ZBTB41: variants seen among roughly 807,000 people sequenced by gnomAD.
ZBTB41 encodes the protein zinc finger and BTB domain containing 41, also known as zinc finger and BTB domain-containing protein 41.
ZBTB41 carries 42 observed loss-of-function variants against 87.6 expected under a neutral mutation model. That is an observed-to-expected ratio of 0.48 (90% CI 0.37 to 0.62). The LOEUF (loss-of-function observed/expected upper bound fraction) is 0.62, where lower values mean the gene tolerates loss of function less well. Ranked by LOEUF, ZBTB41 falls within the 20% of genes least tolerant of loss-of-function variation. ZBTB41 has a pLI of 0.00. For missense variants in ZBTB41, 799 were observed against 1,078.9 expected (o/e 0.74, Z 3.63); for synonymous variants, 364 against 364.0 (o/e 1.00, Z 0.00).
At chr1:197,180,903 T>G (rs1328602104) in intron 6 of ZBTB41, 85 bp downstream of exon 6, 28 of 1,415,626 alleles carry the variant, frequency 2.0e-5, no homozygotes, top group Non-Finnish European at 2.6e-5. Context: ...TGTCTTATGT[T>G]ACCCTAATTC....
intron 5 of ZBTB41, 117 bp from the exon 6 acceptor site, chr1:197,181,234 C>T: frequency 1.2e-6 from 1 of 844,776 alleles, no homozygotes; most frequent in African/African-American, 1.7e-5. Context: ...TCATAATACA[C>T]TGCAATTTCT....
At position 197,199,959 on chromosome 1, in the gene ZBTB41, T is replaced by C; in HGVS notation, c.515A>G (p.Lys172Arg). 1 of 1,613,458 alleles carries C rather than the reference T, an allele frequency of 6.2e-7. No individual in the cohort carries two copies. ...AKFLDIIDAV[K>R]LLNNENVAPF... ...GGCAACATTTTCGTTATTTAACAAC[T>C]TCACTGCATCTATAATGTCCAAAAA... The change falls in exon 2 of 11, where the codon AAG becomes AGG. Residue 172 changes from lysine (K) to arginine (R), a missense_variant. Physicochemically the swap from Lys to Arg is conservative, Grantham distance 26. Transcript: ENST00000367405.
chr1:197,159,112 C>T lies in ZBTB41; in HGVS notation c.*247G>A, dbSNP rs930298132. ...AATAATTGCAAAAAATTTAAGAAAC[C>T]ATTAAAAGTTAGCACTAAATAATCT... On this transcript the variant is annotated 3_prime_UTR_variant, in exon 11 of 11. Transcript: ENST00000367405. 1 of 389,418 alleles carries T rather than the reference C, an allele frequency of 2.6e-6. No individual in the cohort carries two copies. Among genetic ancestry groups the T allele is most frequent in the Non-Finnish European group, 4.6e-6 (1 of 219,692 alleles). 24.1% of individuals were successfully genotyped at this position (389,418 alleles called of 1,614,324 possible). A position where few individuals can be genotyped will look rare whatever the true frequency, so the allele number is the denominator to read the frequency against.
intron 10 of ZBTB41, among the ~76,000 whole-genome samples, chr1:197,168,694 T>C (rs1162522068): frequency 6.6e-6 from 1 of 152,104 alleles, no homozygotes; most frequent in South Asian, 2.1e-4. Context: ...TTAATGACCT[T>C]GGGTTGAGCA....
chr1:197,161,463 G>GTTAAATATTATTA (rs1201562310), intron 10 of ZBTB41, among the ~76,000 whole-genome samples: 10 of 151,820 alleles, frequency 6.6e-5, no homozygotes, highest in Non-Finnish European at 8.8e-5. Flanking sequence ...AAATATTATT[G>GTTAAATATTATTA]TTAAATATTT....
intron 10 of ZBTB41, among the ~76,000 whole-genome samples, chr1:197,169,829 TA>T (rs1659435335): frequency 6.6e-6 from 1 of 152,042 alleles, no homozygotes. Flanking sequence ...AGACAACTGT[TA>T]AAGAATAGAT....
chr1:197,200,347 G>A lies in ZBTB41; in HGVS notation c.127C>T (p.Pro43Ser). Reference protein sequence around the residue: ...QVTYTHSAGRPTPEALHCYQE... With the variant: ...QVTYTHSAGRSTPEALHCYQE... ...TAACAGTGAAGAGCTTCAGGAGTTG[G>A]TCTTCCTGCAGAATGAGTATAGGTC... Residue 43 changes from proline to serine, a missense_variant, in exon 2 of 11, where the codon CCA becomes TCA. By Grantham distance (74) the Pro-to-Ser change is moderately conservative. Transcript: ENST00000367405. 1.2e-6 allele frequency: 2 copies of A among 1,614,158 alleles called. No homozygotes were observed. Among genetic ancestry groups the A allele is most frequent in the African/African-American group, 2.7e-5 (2 of 75,042 alleles).
At chr1:197,184,038 C>T (rs1659823098) in intron 5 of ZBTB41, among the ~76,000 whole-genome samples, 1 of 152,152 alleles carries the variant, frequency 6.6e-6, no homozygotes, top group Non-Finnish European at 1.5e-5. Context: ...ATAGTTCCCT[C>T]TGATGTTTCT....
intron 7 of ZBTB41, 131 bp downstream of exon 7, chr1:197,178,286 A>G (rs937951366): frequency 3.0e-5 from 15 of 496,556 alleles, no homozygotes; most frequent in Non-Finnish European, 4.7e-5. Context: ...TATGCAGTAA[A>G]GTTTTTGCAC....
At position 197,200,562 on chromosome 1, in the gene ZBTB41, T is replaced by C; in HGVS notation, c.-89A>G. On this transcript the variant is annotated 5_prime_UTR_variant, in exon 2 of 11. Transcript: ENST00000367405. ...CTAGATTGTCTTGGATAACAGCTTC[T>C]GAAGGGGCGTGCCCAAGGGTTTCAT... is the stretch of plus-strand genomic sequence containing the variant. 1 of 1,313,106 alleles carries C rather than the reference T, an allele frequency of 7.6e-7. No individual in the cohort carries two copies. The highest frequency in any genetic ancestry group is 2.6e-5 in the Admixed American group (1 of 38,610). 81.3% of individuals were successfully genotyped at this position (1,313,106 alleles called of 1,614,324 possible).
At position 197,162,988 on chromosome 1, in the gene ZBTB41, G is replaced by A. The variant is rs149516609; in HGVS notation, c.2075-2974C>T. Among the ~76,000 whole-genome samples, 892 of 152,284 alleles carry A rather than the reference G, an allele frequency of 5.9e-3. 12 individuals carry two copies. Among genetic ancestry groups the A allele is most frequent in the African/African-American group, 0.021 (856 of 41,548 alleles). On this transcript the variant is annotated intron_variant, in intron 10 of 10. Transcript: ENST00000367405. ...AAACATTTGCTGGGTGAGACAGCTG[G>A]AAACCAAGAGTCAGAAGGCTACAGG...
At chr1:197,181,967 T>G (rs1409282128) in intron 5 of ZBTB41, among the ~76,000 whole-genome samples, 1 of 152,196 alleles carries the variant, frequency 6.6e-6, no homozygotes, top group African/African-American at 2.4e-5. Flanking sequence ...TCATGGGATC[T>G]AAATATTTTA....
At chr1:197,182,005 T>C (rs754315795) in intron 5 of ZBTB41, among the ~76,000 whole-genome samples, 6 of 152,176 alleles carry the variant, frequency 3.9e-5, no homozygotes, top group Non-Finnish European at 5.9e-5. Flanking sequence ...TCAACAAGTA[T>C]TTATTTATTC....
At chr1:197,173,665 T>A (rs1414859797) in intron 9 of ZBTB41, among the ~76,000 whole-genome samples, 2 of 152,080 alleles carry the variant, frequency 1.3e-5, no homozygotes, top group African/African-American at 4.8e-5. Flanking sequence ...ACAGATAATT[T>A]GGATTTTGTG....
At chr1:197,174,692 C>T (rs1659560663) in intron 9 of ZBTB41, among the ~76,000 whole-genome samples, 1 of 152,046 alleles carries the variant, frequency 6.6e-6, no homozygotes, top group South Asian at 2.1e-4. Context: ...GCAAACATTT[C>T]CTAACAACTG....
intron 10 of ZBTB41, among the ~76,000 whole-genome samples, chr1:197,161,447 T>TTTGTTAAATATTATTGTTTAATATTA (rs1553229745): frequency 4.5e-4 from 67 of 150,430 alleles, no homozygotes; most frequent in African/African-American, 1.6e-3. Flanking sequence ...CAAACTATTA[T>TTTGTTAAATATTATTGTTTAATATTA]TTGTTAAATA....
chr1:197,174,633 T>C (rs1659559445), intron 9 of ZBTB41, among the ~76,000 whole-genome samples: 1 of 152,104 alleles, frequency 6.6e-6, no homozygotes, highest in Admixed American at 6.6e-5. Flanking sequence ...TCAAATAAAA[T>C]AATATTTTAA....
chr1:197,160,475 G>T (rs1048614843), intron 10 of ZBTB41, among the ~76,000 whole-genome samples: 19 of 152,098 alleles, frequency 1.2e-4, no homozygotes, highest in African/African-American at 3.6e-4. Flanking sequence ...ACGCAAGGAG[G>T]ATAAAAACTA....
At chr1:197,182,058 C>T (rs961920156) in intron 5 of ZBTB41, among the ~76,000 whole-genome samples, 1 of 151,840 alleles carries the variant, frequency 6.6e-6, no homozygotes, top group African/African-American at 2.4e-5. Flanking sequence ...TGAAAAATCT[C>T]TCCACCTCCT....
Sources: gnomAD v4.1 joint callset for allele counts (sites outside exome capture counted in the v4.1 genomes callset) on GRCh38, gnomAD v4.1.1 for gene constraint, MANE v1.5 for transcripts, NCBI Gene and HGNC (gene_info 2026-07-23, HGNC 2026-07-21) for gene names.